Variants in YARS1 observed in about 807,000 individuals in gnomAD.
The protein encoded by YARS1 is tyrosine--tRNA ligase, cytoplasmic.
Under a neutral mutation model 62.2 loss-of-function variants are expected in YARS1, and 36 were observed. The observed-to-expected ratio is 0.58, with a 90% confidence interval of 0.44 to 0.76. The LOEUF (loss-of-function observed/expected upper bound fraction) is 0.76, where lower values mean the gene tolerates loss of function less well. Among genes scored for constraint, YARS1 ranks in the 30% least tolerant of loss-of-function variants. The probability of loss-of-function intolerance (pLI) is 0.00; values close to 1 mark genes in which losing one functional copy is unlikely to be tolerated. For synonymous variants in YARS1, 234 were observed against 244.9 expected (o/e 0.96, Z 0.42); for missense variants, 524 against 639.8 (o/e 0.82, Z 1.95).
chr1:32,797,694 A>G lies in YARS1; in HGVS notation c.591+69T>C, dbSNP rs1015741561. ...CTATGACTAGTGGGACTGACACATC[A>G]TAGTTCAATAAACACAGCTGCATAC... is the stretch of plus-strand genomic sequence containing the variant. On this transcript the variant is annotated intron_variant, in intron 5 of 12. Coordinates refer to ENST00000373477, the MANE Select transcript of YARS1 (RefSeq NM_003680.4). 31 of 1,322,388 alleles carry G rather than the reference A, an allele frequency of 2.3e-5. No individual in the cohort carries two copies. The African/African-American group carries it at 3.8e-4, about 16-fold the overall frequency. 81.9% of individuals were successfully genotyped at this position (1,322,388 alleles called of 1,614,324 possible). A position where few individuals can be genotyped will look rare whatever the true frequency, so the allele number is the denominator to read the frequency against.
chr1:32,782,048 G>T (rs551435570), intron 9 of YARS1: 2 of 173,614 alleles, frequency 1.2e-5, no homozygotes, highest in East Asian at 1.6e-4. Flanking sequence ...CAAGTGATCC[G>T]CCTGCCTCAG....
At chr1:32,806,831 G>A (rs186598374) in intron 3 of YARS1, among the ~76,000 whole-genome samples, 2 of 152,258 alleles carry the variant, frequency 1.3e-5, no homozygotes, top group East Asian at 3.9e-4. Context: ...CAGAGAGGAG[G>A]GTGAGGATTC....
chr1:32,784,628 C>G (rs1653162373), intron 8 of YARS1, among the ~76,000 whole-genome samples: 1 of 152,074 alleles, frequency 6.6e-6, no homozygotes, highest in South Asian at 2.1e-4. Context: ...ACAAGCTTTT[C>G]TAGAGTCAGT....
chr1:32,781,255 C>A, intron 9 of YARS1, 110 bp from the exon 10 acceptor site: 1 of 919,590 alleles, frequency 1.1e-6, no homozygotes, highest in East Asian at 2.5e-5. Context: ...GTAGAATCCC[C>A]AGAGTCTAAA....
At chr1:32,799,728 T>A (rs1653714996) in intron 4 of YARS1, among the ~76,000 whole-genome samples, 1 of 152,136 alleles carries the variant, frequency 6.6e-6, no homozygotes. Context: ...GAACAAAAAT[T>A]TCCATTTTAT....
intron 1 of YARS1, 110 bp from the exon 2 acceptor site, chr1:32,811,167 G>T: frequency 1.3e-6 from 2 of 1,533,020 alleles, no homozygotes; most frequent in Non-Finnish European, 1.8e-6. Context: ...CAGGCTCAGA[G>T]CCATCAAGGA....
In YARS1 at chr1:32,791,393, C is replaced by G. The variant is rs2148606572; in HGVS notation, c.592-139G>C. 4.0e-6 allele frequency: 3 copies of G among 744,914 alleles called. No individual in the cohort carries two copies. In the South Asian group the frequency reaches 4.5e-5, roughly 11 times the overall value. The allele number at this position is 744,914 out of a possible 1,614,324, so 46.1% of individuals were successfully genotyped here. A position where few individuals can be genotyped will look rare whatever the true frequency, so the allele number is the denominator to read the frequency against. ...TTTTATACTAAATATGTAGCTTTGA[C>G]AGTGACTGTAATTCAAGCGAAGTTT... On this transcript the variant is annotated intron_variant, in intron 5 of 12. Transcript: ENST00000373477.
Position 32,792,238 on chromosome 1 carries a change from C to G in YARS1, c.592-984G>C, listed in dbSNP as rs145619188. Among the ~76,000 whole-genome samples the G allele has an allele frequency of 7.9e-5, 12 of 152,230 alleles. No homozygotes were observed. The East Asian group carries it at 2.3e-3, about 29-fold the overall frequency. ...AAAGTAGAGAAGGCTTTGTGAACAC[C>G]ATGATATTTCAGTTTGAGTCTCTAG... is the stretch of plus-strand genomic sequence containing the variant. On this transcript the variant is annotated intron_variant, in intron 5 of 12. Transcript: ENST00000373477.
intron 1 of YARS1, among the ~76,000 whole-genome samples, chr1:32,814,823 C>T (rs1269529142): frequency 6.6e-6 from 1 of 152,222 alleles, no homozygotes; most frequent in Non-Finnish European, 1.5e-5. Context: ...AAAATTCTAA[C>T]AGGCCAGTGT....
chr1:32,793,117 C>T (rs1214412647), intron 5 of YARS1, among the ~76,000 whole-genome samples: 2 of 151,776 alleles, frequency 1.3e-5, no homozygotes, highest in African/African-American at 2.4e-5. Context: ...GAAGAAAGTT[C>T]AATAGAACAT....
rs1413176664 is a variant in YARS1, at chr1:32,775,466, G to C, written c.*515C>G. Reference sequence around the variant, plus strand: ...CTGGCCCCCAGTGCCAAGCCTCAGAGTAAGCAGACATTGGGAAAGTTGCCA... The same window carrying C: ...CTGGCCCCCAGTGCCAAGCCTCAGACTAAGCAGACATTGGGAAAGTTGCCA... On this transcript the variant is annotated 3_prime_UTR_variant, in exon 13 of 13. Coordinates refer to ENST00000373477, the MANE Select transcript of YARS1 (RefSeq NM_003680.4). 1 of 161,542 alleles carries C rather than the reference G, an allele frequency of 6.2e-6. No individual in the cohort carries two copies. Among genetic ancestry groups the C allele is most frequent in the African/African-American group, 2.4e-5 (1 of 41,552 alleles). 10.0% of individuals were successfully genotyped at this position (161,542 alleles called of 1,614,324 possible). A position where few individuals can be genotyped will look rare whatever the true frequency, so the allele number is the denominator to read the frequency against.
rs1487884264 is a variant in YARS1, at chr1:32,804,313, G to C, written c.510+2169C>G. Among the ~76,000 whole-genome samples the C allele has an allele frequency of 3.3e-5, 5 of 151,778 alleles. No homozygotes were observed. In the South Asian group the frequency reaches 8.4e-4, roughly 25 times the overall value. On this transcript the variant is annotated intron_variant, in intron 4 of 12. Coordinates refer to ENST00000373477, the MANE Select transcript of YARS1 (RefSeq NM_003680.4). ...GGGCTCCTCACTTCCCAGACGGGGC[G>C]GCCGGTCAGAGGCACCCCCAACCTC...
At chr1:32,781,795 GGTCTAA>G (rs1653066237) in intron 9 of YARS1, 1 of 160,618 alleles carries the variant, frequency 6.2e-6, no homozygotes, top group African/African-American at 2.5e-5. Flanking sequence ...GGGTATAATA[GGTCTAA>G]TCTAATTTCT....
rs548010086 is a variant in YARS1, at chr1:32,806,417, AAG to A, written c.510+63_510+64del. ...GTAGTGCAGTAAAGCAAAGTGCAAT[AAG>A]ATATGCCTGTCATCAAACCAGAGCA... On this transcript the variant is annotated intron_variant, in intron 4 of 12. Transcript: ENST00000373477. 220 of 1,611,994 alleles carry A rather than the reference AAG, an allele frequency of 1.4e-4. 1 individual carries two copies. In the African/African-American group the frequency reaches 2.7e-3, roughly 20 times the overall value.
At chr1:32,786,078 G>A (rs1653217415) in intron 8 of YARS1, among the ~76,000 whole-genome samples, 1 of 152,128 alleles carries the variant, frequency 6.6e-6, no homozygotes, top group African/African-American at 2.4e-5. Flanking sequence ...TTCCTGAGAA[G>A]AGGTGAGACA....
intron 4 of YARS1, among the ~76,000 whole-genome samples, chr1:32,802,501 A>G (rs924398447): frequency 5.3e-5 from 8 of 152,042 alleles, no homozygotes; most frequent in African/African-American, 1.7e-4. Context: ...CTTTTGAAAT[A>G]TATTTCTTAA....
chr1:32,815,315 C>T (rs199860691), intron 1 of YARS1, among the ~76,000 whole-genome samples: 1 of 152,106 alleles, frequency 6.6e-6, no homozygotes, highest in East Asian at 1.9e-4. Context: ...TGCCATTGCA[C>T]TCCAGCCTGG....
chr1:32,817,357 C>G lies in YARS1; in HGVS notation c.-113G>C. 1 of 1,382,706 alleles carries G rather than the reference C, an allele frequency of 7.2e-7. No individual in the cohort carries two copies. The highest frequency in any genetic ancestry group is 2.0e-4 in the Middle Eastern group (1 of 5,052). 85.7% of individuals were successfully genotyped at this position (1,382,706 alleles called of 1,614,324 possible). ...CGCGAGTCCAGCCAGGTTGCATCAG[C>G]TGGGCTCGGCGCTCCGCTTACTCGG... On this transcript the variant is annotated 5_prime_UTR_variant, in exon 1 of 13. Transcript: ENST00000373477.
chr1:32,810,490 G>C, intron 3 of YARS1, 101 bp downstream of exon 3: 1 of 1,491,962 alleles, frequency 6.7e-7, no homozygotes, highest in Non-Finnish European at 9.3e-7. Context: ...GGTCACGCCA[G>C]ACAGCTTCTA....
Sources: gnomAD v4.1 joint callset for allele counts (sites outside exome capture counted in the v4.1 genomes callset) on GRCh38, gnomAD v4.1.1 for gene constraint, MANE v1.5 for transcripts, NCBI Gene and HGNC (gene_info 2026-07-23, HGNC 2026-07-21) for gene names.